Variants in ABL1 observed in about 807,000 individuals in gnomAD.
The protein encoded by ABL1 is ABL proto-oncogene 1, non-receptor tyrosine kinase.
ABL1 carries 11 observed loss-of-function variants against 94.7 expected under a neutral mutation model. The observed-to-expected ratio is 0.12, with a 90% CI of 0.07 to 0.19. ABL1 has a LOEUF of 0.19. Ranked by LOEUF, ABL1 falls within the 10% of genes least tolerant of loss-of-function variation. ABL1 has a pLI of 1.00. For missense variants in ABL1, 1,082 were observed against 1,489.4 expected (o/e 0.73, Z 4.50); for synonymous variants, 656 against 622.4 (o/e 1.05, Z -0.80).
At chr9:130,793,923 G>A (rs1162692666) in intron 1 of ABL1, among the ~76,000 whole-genome samples, 2 of 152,104 alleles carry the variant, frequency 1.3e-5, no homozygotes, top group African/African-American at 2.4e-5. Context: ...TCCAGGTTGC[G>A]TGCTCCTAGT....
intron 1 of ABL1, among the ~76,000 whole-genome samples, chr9:130,751,012 A>C (rs1218415662): frequency 6.6e-6 from 1 of 151,176 alleles, no homozygotes; most frequent in Admixed American, 6.6e-5. Flanking sequence ...TGTTGATAGG[A>C]TAGTGAAGAA....
chr9:130,835,018 G>T (rs141731519), upstream of ABL1: 1,384 of 336,524 alleles, frequency 4.1e-3, 7 homozygotes, highest in Middle Eastern at 0.015. This position sits in a 1 kb window ranked among gnomAD's most constrained non-coding sequence, Gnocchi z 4.6. Flanking sequence ...CCCCGCCGGG[G>T]CTGGGACGGC....
chr9:130,728,412 G>A (rs1446175730), intron 1 of ABL1, among the ~76,000 whole-genome samples: 3 of 137,596 alleles, frequency 2.2e-5, no homozygotes, highest in Admixed American at 1.5e-4. Flanking sequence ...TTGAGACAGT[G>A]TTTTGCTCTG....
At chr9:130,876,742 T>C (rs1038061662) in intron 7 of ABL1, among the ~76,000 whole-genome samples, 2 of 135,946 alleles carry the variant, frequency 1.5e-5, no homozygotes, top group East Asian at 2.0e-4. Flanking sequence ...TCTTTTTTTT[T>C]TTTTTTTTTT....
chr9:130,869,528 CGCCCA>C (rs966150499), intron 4 of ABL1, among the ~76,000 whole-genome samples: 2 of 152,182 alleles, frequency 1.3e-5, no homozygotes, highest in Non-Finnish European at 2.9e-5. Context: ...TCCGCCGTAC[CGCCCA>C]GAATGTTCAT....
At chr9:130,731,088 C>T (rs1391482917) in intron 1 of ABL1, among the ~76,000 whole-genome samples, 1 of 135,592 alleles carries the variant, frequency 7.4e-6, no homozygotes, top group Non-Finnish European at 1.6e-5. Flanking sequence ...CTCACTGCAA[C>T]CTCCGCCTCC....
chr9:130,881,831 G>T (rs919238639), intron 10 of ABL1, among the ~76,000 whole-genome samples: 1 of 150,658 alleles, frequency 6.6e-6, no homozygotes, highest in Non-Finnish European at 1.5e-5. Flanking sequence ...GATGTTTACT[G>T]ACAGCAGAAT....
At position 130,752,560 on chromosome 9, in the gene ABL1, C is replaced by G. The variant is rs1482775150; in HGVS notation, c.136+38105C>G. ...CAAAAAGCAACCAATAAGTAGTCTT[C>G]TCTTCCCAAAGCTAGTCACTGCATG... On this transcript the variant is annotated intron_variant, in intron 1 of 10. Transcript: ENST00000372348. Among the ~76,000 whole-genome samples, 4 of 152,176 alleles carry G rather than the reference C, an allele frequency of 2.6e-5. No homozygotes were observed. The South Asian group carries it at 8.3e-4, about 32-fold the overall frequency.
chr9:130,719,729 T>C (rs1564267155), intron 1 of ABL1, among the ~76,000 whole-genome samples: 1 of 152,208 alleles, frequency 6.6e-6, no homozygotes, highest in Non-Finnish European at 1.5e-5. Flanking sequence ...TTTCATAGGC[T>C]GATCTTTCTA....
intron 1 of ABL1, among the ~76,000 whole-genome samples, chr9:130,744,411 G>A (rs1044959233): frequency 2.6e-5 from 4 of 151,338 alleles, no homozygotes; most frequent in South Asian, 4.2e-4. Context: ...AAAGTGCTGG[G>A]ATTACAGGGG....
In ABL1 at chr9:130,772,890, G is replaced by T. The variant is rs545073807; in HGVS notation, c.136+58435G>T. Among the ~76,000 whole-genome samples, 192 of 152,328 alleles carry T rather than the reference G, an allele frequency of 1.3e-3. 2 individuals carry two copies. The Middle Eastern group carries it at 0.014, about 11-fold the overall frequency. On this transcript the variant is annotated intron_variant, in intron 1 of 10. Transcript: ENST00000372348. ...AAACACAGGTATGAGGGAGACTTTT[G>T]CTGGTGATAGGACAGATTATCCTGA...
At chr9:130,810,078 C>T (rs189715463) in intron 1 of ABL1, among the ~76,000 whole-genome samples, 47 of 152,260 alleles carry the variant, frequency 3.1e-4, no homozygotes, top group Non-Finnish European at 5.3e-4. Context: ...TAGTAACATA[C>T]AACCAATAAC....
At chr9:130,752,643 G>T (rs891548663) in intron 1 of ABL1, among the ~76,000 whole-genome samples, 2 of 152,104 alleles carry the variant, frequency 1.3e-5, no homozygotes, top group Non-Finnish European at 2.9e-5. Context: ...ATTAGGGTGT[G>T]CTGCTGCCAT....
At chr9:130,768,852 G>A (rs979128577) in intron 1 of ABL1, among the ~76,000 whole-genome samples, 5 of 152,166 alleles carry the variant, frequency 3.3e-5, no homozygotes, top group African/African-American at 1.2e-4. Flanking sequence ...CTGTCATTCT[G>A]TACAACACTC....
At chr9:130,765,034 C>T (rs1832164457) in intron 1 of ABL1, among the ~76,000 whole-genome samples, 1 of 151,864 alleles carries the variant, frequency 6.6e-6, no homozygotes, top group Non-Finnish European at 1.5e-5. Flanking sequence ...TTCCTCCACC[C>T]TTTTCTTTTT....
chr9:130,885,279 C>A lies in ABL1; in HGVS notation c.2989C>A (p.Pro997Thr), dbSNP rs1303897063. 1.9e-6 allele frequency: 3 copies of A among 1,613,662 alleles called. No individual in the cohort carries two copies. The highest frequency in any genetic ancestry group is 2.7e-5 in the African/African-American group (2 of 74,940). ...ATCCTCGGCCCTGGCAGGGGACCAG[C>A]CGTCTTCCACCGCCTTCATCCCTCT... ...SASSALAGDQ[P>T]SSTAFIPLIS... Residue 997 changes from proline (P) to threonine (T), a missense_variant, in exon 11 of 11, where the codon CCG becomes ACG. Coordinates refer to ENST00000318560, the MANE Select transcript of ABL1 (RefSeq NM_005157.6).
intron 1 of ABL1, among the ~76,000 whole-genome samples, chr9:130,746,576 T>G (rs1298174283): frequency 1.3e-5 from 2 of 151,094 alleles, no homozygotes; most frequent in Non-Finnish European, 2.9e-5. Flanking sequence ...CGTAATGCCT[T>G]TGAGATCCAT....
At chr9:130,823,702 T>C (rs1830392511) in intron 1 of ABL1, among the ~76,000 whole-genome samples, 1 of 152,142 alleles carries the variant, frequency 6.6e-6, no homozygotes, top group African/African-American at 2.4e-5. Flanking sequence ...ACACAGCACT[T>C]TTGCCCACAT....
rs57807270 is a variant in ABL1, at chr9:130,790,465, TTTTA to T, written c.137-63566_137-63563del. Among the ~76,000 whole-genome samples, 599 of 148,002 alleles carry T rather than the reference TTTTA, an allele frequency of 4.0e-3. 4 individuals carry two copies. Among genetic ancestry groups the T allele is most frequent in the South Asian group, 7.0e-3 (32 of 4,576 alleles). ...TGCATTCTACTTTCTTTCATTTTTA[TTTTA>T]TTTATTTATTTATTTATTTATTTAT... is the stretch of plus-strand genomic sequence containing the variant. On this transcript the variant is annotated intron_variant, in intron 1 of 10. Coordinates refer to the ABL1 transcript ENST00000372348.
Sources: gnomAD v4.1 joint callset for allele counts (sites outside exome capture counted in the v4.1 genomes callset) on GRCh38, gnomAD v4.1.1 for gene constraint, Gnocchi (gnomAD v3.1) non-coding constraint, MANE v1.5 for transcripts, NCBI Gene and HGNC (gene_info 2026-07-23, HGNC 2026-07-21) for gene names.